Variants in GARIN2 observed in about 807,000 individuals in gnomAD.
GARIN2 encodes golgi associated RAB2 interactor family member 2, also known as Golgi-associated RAB2 interactor protein 2.
At chr14:67,213,392 C>A in the GARIN2 span, among the ~76,000 whole-genome samples, 1 of 138,172 alleles carries the variant, frequency 7.2e-6, no homozygotes, top group East Asian at 2.1e-4. Context: ...TCAATTCCCA[C>A]CTATGAGTGA....
the GARIN2 span, among the ~76,000 whole-genome samples, chr14:67,210,356 C>T: frequency 1.3e-5 from 2 of 151,746 alleles, no homozygotes; most frequent in African/African-American, 4.8e-5. Context: ...GAGGCTGAGG[C>T]AGGAGGACTG....
the GARIN2 span, among the ~76,000 whole-genome samples, chr14:67,212,022 A>C: frequency 6.6e-6 from 1 of 152,164 alleles, no homozygotes; most frequent in Non-Finnish European, 1.5e-5. Flanking sequence ...TGTTTCTTAT[A>C]ATGTAATCTT....
At chr14:67,217,904 C>A in the GARIN2 span, among the ~76,000 whole-genome samples, 1,828 of 152,190 alleles carry the variant, frequency 0.012, 19 homozygotes, top group Non-Finnish European at 0.018. Flanking sequence ...GGAAAAAATG[C>A]CTCCTCCAAT....
the GARIN2 span, chr14:67,208,129 A>G: frequency 1.3e-6 from 2 of 1,579,378 alleles, no homozygotes; most frequent in Non-Finnish European, 1.7e-6. Context: ...CCTGTATTCG[A>G]TACTGTTCCA....
the GARIN2 span, among the ~76,000 whole-genome samples, chr14:67,224,369 T>C: frequency 6.6e-6 from 1 of 151,632 alleles, no homozygotes; most frequent in Non-Finnish European, 1.5e-5. Flanking sequence ...AGCGATTCTC[T>C]TGCCTCAGTC....
chr14:67,203,170 C>T, the GARIN2 span: 1 of 1,613,982 alleles, frequency 6.2e-7, no homozygotes, highest in Non-Finnish European at 8.5e-7. Context: ...TTTTCCAGCT[C>T]CACCCACAAG....
the GARIN2 span, among the ~76,000 whole-genome samples, chr14:67,213,168 TTTA>T: frequency 1.7e-4 from 25 of 151,242 alleles, no homozygotes; most frequent in African/African-American, 2.7e-4. Flanking sequence ...TTTATTTTAT[TTTA>T]TTATTATTAT....
the GARIN2 span, chr14:67,204,407 A>T: frequency 7.7e-6 from 10 of 1,303,648 alleles, no homozygotes; most frequent in African/African-American, 1.5e-5. Flanking sequence ...TCACCACTGC[A>T]CTCCAACGTG....
chr14:67,195,302 C>T, the GARIN2 span, among the ~76,000 whole-genome samples: 1 of 152,152 alleles, frequency 6.6e-6, no homozygotes, highest in Non-Finnish European at 1.5e-5. Context: ...TTCCTTTTCT[C>T]TCATTTCCTC....
chr14:67,221,468 C>T, the GARIN2 span, among the ~76,000 whole-genome samples: 3 of 152,152 alleles, frequency 2.0e-5, no homozygotes, highest in Non-Finnish European at 2.9e-5. Context: ...GACAAGGAGG[C>T]GGCAGTGTTG....
chr14:67,212,608 T>TATGTAATATATATTATATATA, the GARIN2 span, among the ~76,000 whole-genome samples: 1 of 145,092 alleles, frequency 6.9e-6, no homozygotes, highest in African/African-American at 2.5e-5. Flanking sequence ...AATATATATA[T>TATGTAATATATATTATATATA]ATATATGTAA....
the GARIN2 span, among the ~76,000 whole-genome samples, chr14:67,221,523 A>C: frequency 6.6e-6 from 1 of 152,266 alleles, no homozygotes; most frequent in Non-Finnish European, 1.5e-5. Flanking sequence ...AGATATAATA[A>C]GAATAGATTA....
chr14:67,201,421 C>T, the GARIN2 span: 1 of 455,460 alleles, frequency 2.2e-6, no homozygotes, highest in African/African-American at 2.0e-5. Flanking sequence ...TTTGCTCTGT[C>T]ACCTTCAAGC....
the GARIN2 span, chr14:67,221,668 C>G: frequency 2.0e-6 from 3 of 1,507,678 alleles, no homozygotes; most frequent in Non-Finnish European, 2.7e-6. Context: ...TGTTTCATTA[C>G]TACCCACAGA....
At chr14:67,192,634 C>T in the GARIN2 span, among the ~76,000 whole-genome samples, 14 of 151,690 alleles carry the variant, frequency 9.2e-5, no homozygotes, top group Admixed American at 7.9e-4. Context: ...TAACCACTGG[C>T]CACAATTATT....
At chr14:67,197,450 T>G in the GARIN2 span, 1 of 152,138 alleles carries the variant, frequency 6.6e-6, no homozygotes, top group Non-Finnish European at 1.5e-5. Flanking sequence ...TCCCTCTTCC[T>G]TCTTCTACTT....
At chr14:67,192,313 A>T in the GARIN2 span, among the ~76,000 whole-genome samples, 1 of 152,214 alleles carries the variant, frequency 6.6e-6, no homozygotes, top group Non-Finnish European at 1.5e-5. Context: ...TGTTTCCATG[A>T]TAGCCCATAA....
At chr14:67,195,934 GC>G in the GARIN2 span, among the ~76,000 whole-genome samples, 1 of 152,106 alleles carries the variant, frequency 6.6e-6, no homozygotes, top group African/African-American at 2.4e-5. Context: ...ACAGGTGCAT[GC>G]CACCACACCT....
chr14:67,221,845 C>G, the GARIN2 span: 1 of 1,607,876 alleles, frequency 6.2e-7, no homozygotes, highest in Non-Finnish European at 8.5e-7. Flanking sequence ...TATTGTGATC[C>G]CTGGTATTCA....
Sources: gnomAD v4.1 joint callset for allele counts (sites outside exome capture counted in the v4.1 genomes callset) on GRCh38, gnomAD v4.1.1 for gene constraint, MANE v1.5 for transcripts, NCBI Gene and HGNC (gene_info 2026-07-23, HGNC 2026-07-21) for gene names.